The following SYT7 variants were observed in gnomAD, a reference collection of about 807,000 sequenced individuals.
SYT7 encodes the protein synaptotagmin 7.
In SYT7, 29 loss-of-function variants were observed where a neutral mutation model predicts 75.1. The observed-to-expected ratio is 0.39, with a 90% CI of 0.29 to 0.53. The LOEUF (loss-of-function observed/expected upper bound fraction) is 0.53, where lower values mean the gene tolerates loss of function less well. Ranked by LOEUF, SYT7 falls within the 20% of genes least tolerant of loss-of-function variation. The pLI, the probability that SYT7 is intolerant of heterozygous loss-of-function variation, is 0.77. For synonymous variants in SYT7, 376 were observed against 401.7 expected (o/e 0.94, Z 0.76); for missense variants, 693 against 953.2 (o/e 0.73, Z 3.59).
the SYT7 span, among the ~76,000 whole-genome samples, chr11:61,587,698 G>A: frequency 6.6e-6 from 1 of 151,964 alleles, no homozygotes. Flanking sequence ...CAAACGCCCG[G>A]CCTGGGCTCG....
Position 61,556,177 on chromosome 11 carries a change from G to C in SYT7, c.62C>G (p.Ser21Cys). 1 of 1,614,012 alleles carries C rather than the reference G, an allele frequency of 6.2e-7. No homozygotes were observed. The highest frequency in any genetic ancestry group is 8.5e-7 in the Non-Finnish European group (1 of 1,179,958). The change falls in exon 2 of 13, where the codon TCT becomes TGT. Residue 21 changes from serine to cysteine, a missense_variant. Transcript: ENST00000539008. ...GCTAAGGCTGACGGTGATGATGGCA[G>C]AGACCAGCAGGACGTCGCGCGAGGG... ...GAPSRDVLLV[S>C]AIITVSLSVT...
At chr11:61,556,634 G>A (rs1362713748) in intron 1 of SYT7, among the ~76,000 whole-genome samples, 1 of 152,158 alleles carries the variant, frequency 6.6e-6, no homozygotes, top group Non-Finnish European at 1.5e-5. Flanking sequence ...CTGCCCTGAT[G>A]ACACACACAC....
At chr11:61,536,592 T>C (rs2957861) in intron 7 of SYT7, among the ~76,000 whole-genome samples, 4,995 of 152,198 alleles carry the variant, frequency 0.033, 267 homozygotes, top group African/African-American at 0.11. Flanking sequence ...CAGACTCCGC[T>C]CCTCCAGTAC....
upstream of SYT7, chr11:61,581,196 C>T (rs977555289): frequency 8.1e-5 from 12 of 147,502 alleles, no homozygotes; most frequent in African/African-American, 2.9e-4. Flanking sequence ...CGGCCACAGC[C>T]ACCGCCTGCG....
Position 61,528,244 on chromosome 11 carries a change from C to T in SYT7, c.1201-59G>A, listed in dbSNP as rs1423992798. ...GAGGATTCTGCTTCCCCCATGTCCCCACCGCTGGCTAGCACGGGTGAGAGG... is the reference window on the plus strand; with the variant it reads ...GAGGATTCTGCTTCCCCCATGTCCCTACCGCTGGCTAGCACGGGTGAGAGG... On this transcript the variant is annotated intron_variant, in intron 8 of 12. Transcript: ENST00000539008. 5 of 1,579,386 alleles carry T rather than the reference C, an allele frequency of 3.2e-6. No individual in the cohort carries two copies. The African/African-American group carries it at 6.7e-5, about 21-fold the overall frequency.
rs369780973 is a variant in SYT7, at chr11:61,518,760, G to A, written c.1957-29C>T. ...GGGAGAAAGGGGAGACGATGGCATC[G>A]GCACAGGCTCCAGGGCACTGGCCCT... On this transcript the variant is annotated intron_variant, in intron 12 of 12. Coordinates refer to ENST00000539008, the MANE Select transcript of SYT7 (RefSeq NM_001365809.2). The A allele has an allele frequency of 3.2e-4, 476 of 1,491,290 alleles. 1 individual carries two copies. Among genetic ancestry groups the A allele is most frequent in the South Asian group, 1.3e-3 (103 of 78,996 alleles). 92.4% of individuals were successfully genotyped at this position (1,491,290 alleles called of 1,614,324 possible). A position where few individuals can be genotyped will look rare whatever the true frequency, so the allele number is the denominator to read the frequency against.
Position 61,551,377 on chromosome 11 carries a change from C to A in SYT7, c.215+7G>T, listed in dbSNP as rs372840313. The A allele has an allele frequency of 6.2e-7, 1 of 1,613,598 alleles. No individual in the cohort carries two copies. The highest frequency in any genetic ancestry group is 2.2e-5 in the East Asian group (1 of 44,866). On this transcript the variant is annotated splice_region_variant and intron_variant, in intron 3 of 12. Coordinates refer to ENST00000539008, the MANE Select transcript of SYT7 (RefSeq NM_001365809.2). The surrounding 1 kb of genome is among the most constrained non-coding windows in gnomAD (Gnocchi z 5.3). ...GCCCCATCCCAAACTAGCAGCCTGG[C>A]ACCTACTTGATAGCCTTCTTCTCAC...
chr11:61,556,297 C>A, intron 1 of SYT7, 90 bp from the exon 2 acceptor site: 1 of 1,030,778 alleles, frequency 9.7e-7, no homozygotes, highest in South Asian at 1.5e-5. Flanking sequence ...CCACCCTACC[C>A]TCCATCTGGC....
the SYT7 span, among the ~76,000 whole-genome samples, chr11:61,586,821 T>G: frequency 6.6e-6 from 1 of 152,094 alleles, no homozygotes; most frequent in African/African-American, 2.4e-5. Context: ...TGCTGGTCTA[T>G]CCACACCTTT....
Position 61,523,073 on chromosome 11 carries a change from A to G in SYT7, c.1956+2T>C. 6.2e-7 allele frequency: 1 copy of G among 1,614,020 alleles called. No individual in the cohort carries two copies. ...GCACCACACCACCTGCCTCGCCCCTACCTTGCCGATGACGTCATTGCGGCT... is the reference window on the plus strand; with the variant it reads ...GCACCACACCACCTGCCTCGCCCCTGCCTTGCCGATGACGTCATTGCGGCT... On this transcript the variant is annotated splice_donor_variant, in intron 12 of 12. Coordinates refer to ENST00000539008, the MANE Select transcript of SYT7 (RefSeq NM_001365809.2). LOFTEE classifies it high-confidence loss of function. This position sits in a 1 kb window ranked among gnomAD's most constrained non-coding sequence, Gnocchi z 5.0.
At chr11:61,549,624 C>T (rs2063289894) in intron 3 of SYT7, among the ~76,000 whole-genome samples, 1 of 152,208 alleles carries the variant, frequency 6.6e-6, no homozygotes, top group African/African-American at 2.4e-5. Context: ...CCTTTCTGTT[C>T]TCTGGAAAGA....
chr11:61,541,313 C>T (rs1489878278), intron 6 of SYT7: 10 of 984,324 alleles, frequency 1.0e-5, no homozygotes, highest in Admixed American at 6.2e-5. Flanking sequence ...AGGAAGCTCA[C>T]GTTAGGGCAA....
Position 61,524,354 on chromosome 11 carries a change from G to A in SYT7, c.1641+9C>T. ...CCTGTCCAGCTAAGACCCACCCATGGGGCCTTACACTCCCATCGCTGCATG... is the reference window on the plus strand; with the variant it reads ...CCTGTCCAGCTAAGACCCACCCATGAGGCCTTACACTCCCATCGCTGCATG... On this transcript the variant is annotated intron_variant, in intron 10 of 12. Coordinates refer to ENST00000539008, the MANE Select transcript of SYT7 (RefSeq NM_001365809.2). The surrounding 1 kb of genome is among the most constrained non-coding windows in gnomAD (Gnocchi z 4.1). 1 of 1,613,808 alleles carries A rather than the reference G, an allele frequency of 6.2e-7. No individual in the cohort carries two copies. Among genetic ancestry groups the A allele is most frequent in the Non-Finnish European group, 8.5e-7 (1 of 1,179,854 alleles).
chr11:61,543,361 A>T (rs1339362901), intron 5 of SYT7, among the ~76,000 whole-genome samples: 1 of 152,214 alleles, frequency 6.6e-6, no homozygotes, highest in Non-Finnish European at 1.5e-5. Flanking sequence ...CCGCAGTTCT[A>T]ACAGAGAACA....
intron 8 of SYT7, among the ~76,000 whole-genome samples, chr11:61,529,621 G>A (rs2062642352): frequency 3.3e-5 from 5 of 152,162 alleles, no homozygotes; most frequent in Admixed American, 2.6e-4. Context: ...AAAAGCGTCG[G>A]AATCACCCTC....
intron 3 of SYT7, among the ~76,000 whole-genome samples, chr11:61,550,871 G>C (rs1046527830): frequency 1.3e-5 from 2 of 152,208 alleles, no homozygotes; most frequent in African/African-American, 4.8e-5. Flanking sequence ...TGACGGGGAG[G>C]GAGGGACTGC....
chr11:61,556,188 G>C lies in SYT7; in HGVS notation c.51C>G (p.Val17=). The C allele has an allele frequency of 6.2e-7, 1 of 1,613,738 alleles. No individual in the cohort carries two copies. Among genetic ancestry groups the C allele is most frequent in the Middle Eastern group, 1.7e-4 (1 of 5,994 alleles). The part of the protein sequence containing the change: ...AASPGAPSRD[V]LLVSAIITVS... ...CGGTGATGATGGCAGAGACCAGCAG[G>C]ACGTCGCGCGAGGGCGCCCCTGGGG... The change falls in exon 2 of 13, where the codon GTC becomes GTG. Residue 17 remains valine, a synonymous_variant. Transcript: ENST00000539008.
At chr11:61,552,342 G>C (rs2063375648) in intron 2 of SYT7, among the ~76,000 whole-genome samples, 1 of 152,082 alleles carries the variant, frequency 6.6e-6, no homozygotes, top group African/African-American at 2.4e-5. Context: ...ACGGACCTGG[G>C]CCAGGTCCAG....
chr11:61,538,393 G>GAGAA (rs2062943764), intron 6 of SYT7, 127 bp from the exon 7 acceptor site: 2 of 666,166 alleles, frequency 3.0e-6, no homozygotes, highest in Admixed American at 3.4e-5. Context: ...GAGAGAAAGA[G>GAGAA]AGAGAGAGAG....
Sources: allele counts gnomAD v4.1 joint callset (sites outside exome capture counted in the v4.1 genomes callset), GRCh38; gene constraint gnomAD v4.1.1; non-coding constraint Gnocchi (gnomAD v3.1); transcripts MANE v1.5; gene names NCBI Gene and HGNC (gene_info 2026-07-23, HGNC 2026-07-21).